The following QTMAN variants were observed in gnomAD, a reference collection of about 807,000 sequenced individuals.
QTMAN encodes tRNA-queuosine alpha-mannosyltransferase.
the QTMAN span, among the ~76,000 whole-genome samples, chr2:144,125,803 A>C: frequency 2.0e-5 from 3 of 152,144 alleles, no homozygotes; most frequent in Non-Finnish European, 2.9e-5. Flanking sequence ...TAAAGAAAGC[A>C]AACTATTTAT....
the QTMAN span, among the ~76,000 whole-genome samples, chr2:144,165,514 A>G: frequency 1.3e-5 from 2 of 152,352 alleles, no homozygotes; most frequent in South Asian, 4.1e-4. Context: ...TAATTCTGAC[A>G]CTAAAGAGAT....
At chr2:144,139,561 T>C in the QTMAN span, among the ~76,000 whole-genome samples, 103 of 152,220 alleles carry the variant, frequency 6.8e-4, no homozygotes, top group South Asian at 4.6e-3. Context: ...TATACATGAC[T>C]ACGGCGTCTA....
the QTMAN span, among the ~76,000 whole-genome samples, chr2:144,251,549 A>G: frequency 2.0e-5 from 3 of 152,128 alleles, no homozygotes; most frequent in African/African-American, 7.2e-5. Flanking sequence ...CATAATGAAG[A>G]CCTTACAATA....
chr2:144,188,465 G>C, the QTMAN span, among the ~76,000 whole-genome samples: 1 of 152,006 alleles, frequency 6.6e-6, no homozygotes, highest in Non-Finnish European at 1.5e-5. Flanking sequence ...CCATGCAAGA[G>C]TGCAAAGAAA....
chr2:144,066,578 G>A, the QTMAN span, among the ~76,000 whole-genome samples: 1 of 152,222 alleles, frequency 6.6e-6, no homozygotes, highest in African/African-American at 2.4e-5. Flanking sequence ...CACTTTGGGA[G>A]GCCGAGGTGG....
the QTMAN span, among the ~76,000 whole-genome samples, chr2:144,198,284 G>A: frequency 4.6e-5 from 7 of 151,936 alleles, no homozygotes; most frequent in African/African-American, 1.4e-4. Context: ...CTCAATTCAC[G>A]TGGTTTGAAT....
At chr2:144,311,587 G>A in the QTMAN span, among the ~76,000 whole-genome samples, 4 of 152,314 alleles carry the variant, frequency 2.6e-5, no homozygotes, top group East Asian at 7.7e-4. Flanking sequence ...ATTTTCCAGT[G>A]TGAATGAGAA....
the QTMAN span, among the ~76,000 whole-genome samples, chr2:144,020,438 T>G: frequency 1.3e-5 from 2 of 152,240 alleles, no homozygotes; most frequent in African/African-American, 4.8e-5. Flanking sequence ...ATCCGATTCT[T>G]CCGGTACACC....
the QTMAN span, among the ~76,000 whole-genome samples, chr2:144,215,271 T>C: frequency 2.6e-4 from 38 of 148,498 alleles, no homozygotes; most frequent in African/African-American, 9.1e-4. Context: ...AATATATATA[T>C]ATACACACAC....
chr2:144,045,080 C>A, the QTMAN span, among the ~76,000 whole-genome samples: 1 of 152,160 alleles, frequency 6.6e-6, no homozygotes. Flanking sequence ...ATAAAAGTAA[C>A]CCATGCTTAC....
the QTMAN span, among the ~76,000 whole-genome samples, chr2:144,002,863 T>C: frequency 1.3e-5 from 2 of 151,964 alleles, no homozygotes; most frequent in Non-Finnish European, 2.9e-5. Context: ...ATTCAACTTT[T>C]CCAGCTATAT....
chr2:144,194,912 C>T, the QTMAN span, among the ~76,000 whole-genome samples: 4 of 152,124 alleles, frequency 2.6e-5, no homozygotes, highest in Admixed American at 2.6e-4. Flanking sequence ...TACCCCTCCA[C>T]ATTTTAAAAA....
the QTMAN span, among the ~76,000 whole-genome samples, chr2:144,321,566 C>T: frequency 3.3e-5 from 5 of 152,010 alleles, no homozygotes; most frequent in African/African-American, 1.2e-4. Context: ...AATGTCAGGA[C>T]GGATTAGCGT....
At chr2:144,049,082 T>C in the QTMAN span, among the ~76,000 whole-genome samples, 1 of 152,226 alleles carries the variant, frequency 6.6e-6, no homozygotes, top group East Asian at 1.9e-4. Flanking sequence ...ATATAATGAT[T>C]AGATTGACAG....
chr2:143,996,002 T>C, the QTMAN span, among the ~76,000 whole-genome samples: 941 of 152,238 alleles, frequency 6.2e-3, 13 homozygotes, highest in African/African-American at 0.022. Context: ...TGACCACTTA[T>C]GATCACCACT....
chr2:144,224,744 T>C, the QTMAN span, among the ~76,000 whole-genome samples: 1 of 152,138 alleles, frequency 6.6e-6, no homozygotes, highest in Non-Finnish European at 1.5e-5. Context: ...GTGCAAAAAG[T>C]AGGAAGCTCT....
chr2:144,032,644 G>A, the QTMAN span, among the ~76,000 whole-genome samples: 2 of 152,190 alleles, frequency 1.3e-5, no homozygotes, highest in African/African-American at 2.4e-5. Flanking sequence ...AACAGACATT[G>A]CAAAACTGGA....
chr2:144,295,464 A>C, the QTMAN span: 6 of 152,216 alleles, frequency 3.9e-5, no homozygotes, highest in Non-Finnish European at 8.8e-5. Context: ...CTATGAATCC[A>C]GCATTTTCAT....
At chr2:144,190,872 A>G in the QTMAN span, among the ~76,000 whole-genome samples, 1 of 152,214 alleles carries the variant, frequency 6.6e-6, no homozygotes, top group Admixed American at 6.5e-5. Flanking sequence ...AAAGCAGACC[A>G]TGTAAATTTG....
Sources: gnomAD v4.1 joint callset for allele counts (sites outside exome capture counted in the v4.1 genomes callset) on GRCh38, gnomAD v4.1.1 for gene constraint, MANE v1.5 for transcripts, NCBI Gene and HGNC (gene_info 2026-07-23, HGNC 2026-07-21) for gene names.